The following C14orf39 variants were observed in gnomAD, a reference collection of about 807,000 sequenced individuals.
C14orf39 encodes protein SIX6OS1.
Under a neutral mutation model 85.6 loss-of-function variants are expected in C14orf39, and 66 were observed. The ratio of observed to expected loss-of-function variants is 0.77; its 90% CI spans 0.63 to 0.95. The LOEUF (loss-of-function observed/expected upper bound fraction) is 0.95. Among genes scored for constraint, C14orf39 ranks in the 40% least tolerant of loss-of-function variants. The probability of loss-of-function intolerance (pLI) is 0.00; values close to 1 mark genes in which losing one functional copy is unlikely to be tolerated. For missense variants in C14orf39, 735 were observed against 663.9 expected (o/e 1.11, Z -1.18); for synonymous variants, 242 against 214.0 (o/e 1.13, Z -1.14).
intron 16 of C14orf39, among the ~76,000 whole-genome samples, chr14:60,448,565 A>C (rs978428016): frequency 6.6e-6 from 1 of 152,158 alleles, no homozygotes; most frequent in Non-Finnish European, 1.5e-5. Context: ...AAATAGGAAC[A>C]CTTTTACAGT....
At chr14:60,509,988 T>C (rs1261176221) in intron 1 of C14orf39, 1 of 1,582,828 alleles carries the variant, frequency 6.3e-7, no homozygotes, top group East Asian at 2.3e-5. Flanking sequence ...CCTAGAGGCC[T>C]CCGCGCTTTG....
chr14:60,472,580 T>G (rs910620300), intron 5 of C14orf39, among the ~76,000 whole-genome samples: 1 of 151,960 alleles, frequency 6.6e-6, no homozygotes, highest in Admixed American at 6.6e-5. Context: ...GGCCCCGGGG[T>G]GTGATGTTCC....
chr14:60,474,614 T>C (rs1892277317), intron 5 of C14orf39, among the ~76,000 whole-genome samples: 1 of 152,110 alleles, frequency 6.6e-6, no homozygotes, highest in African/African-American at 2.4e-5. Flanking sequence ...GCATGAAGCG[T>C]TGTTGAATTT....
chr14:60,446,176 T>C (rs1595443486), intron 16 of C14orf39, among the ~76,000 whole-genome samples: 1 of 152,112 alleles, frequency 6.6e-6, no homozygotes. Flanking sequence ...AGCAAAGAAA[T>C]TCAAAAGCTA....
At position 60,471,664 on chromosome 14, in the gene C14orf39, G is replaced by A. The variant is rs764805230; in HGVS notation, c.399C>T (p.Pro133=). The A allele has an allele frequency of 6.2e-7, 1 of 1,608,884 alleles. No homozygotes were observed. Among genetic ancestry groups the A allele is most frequent in the Non-Finnish European group, 8.5e-7 (1 of 1,176,828 alleles). ...TCTTCTCATAATATTCACGTGAAAAGGGTGTTTCTGAGTATTTTAGTTGGT... is the reference window on the plus strand; with the variant it reads ...TCTTCTCATAATATTCACGTGAAAAAGGTGTTTCTGAGTATTTTAGTTGGT... ...KQYQLKYSET[P]FSREYYEKKR... is the part of the protein sequence containing the mutation. The change falls in exon 6 of 18, where the codon CCC becomes CCT. Residue 133 remains proline, a synonymous_variant. Transcript: ENST00000321731.
upstream of C14orf39, among the ~76,000 whole-genome samples, chr14:60,489,274 A>G (rs1892949856): frequency 1.3e-5 from 2 of 152,194 alleles, no homozygotes; most frequent in African/African-American, 4.8e-5. Context: ...TCTATAAACA[A>G]TCTTTGCAGT....
intron 17 of C14orf39, among the ~76,000 whole-genome samples, chr14:60,439,483 C>G (rs1375059809): frequency 1.3e-5 from 2 of 151,960 alleles, no homozygotes; most frequent in Non-Finnish European, 2.9e-5. Flanking sequence ...AACTTAATGA[C>G]TAGTTGAATG....
chr14:60,497,065 A>G (rs1413454314), intron 2 of C14orf39, among the ~76,000 whole-genome samples: 3 of 152,190 alleles, frequency 2.0e-5, no homozygotes, highest in Non-Finnish European at 4.4e-5. Flanking sequence ...CCATCTTCAT[A>G]TTATACTAAC....
Position 60,451,955 on chromosome 14 carries a change from G to A in C14orf39, c.1503+3046C>T, listed in dbSNP as rs531118872. 2.1e-4 allele frequency among the ~76,000 whole-genome samples: 32 copies of A among 151,974 alleles called. No homozygotes were observed. In the South Asian group the frequency reaches 2.9e-3, roughly 14 times the overall value. ...CCCAGCACTTTGGGAGGCTGAGGCA[G>A]GCAGATAACGAGGTCAGGAGATCGA... On this transcript the variant is annotated intron_variant, in intron 16 of 17. Transcript: ENST00000321731.
intron 16 of C14orf39, among the ~76,000 whole-genome samples, chr14:60,451,501 T>C (rs1595449872): frequency 6.6e-6 from 1 of 152,128 alleles, no homozygotes; most frequent in African/African-American, 2.4e-5. Context: ...TGGAATACTA[T>C]GCAGCCATAA....
intron 16 of C14orf39, among the ~76,000 whole-genome samples, chr14:60,452,014 C>G (rs1470042279): frequency 6.7e-6 from 1 of 149,822 alleles, no homozygotes; most frequent in Non-Finnish European, 1.5e-5. Flanking sequence ...AACCCCATCT[C>G]TACTAAAGTA....
rs145281189 is a variant in C14orf39, at chr14:60,445,685, T to C, written c.1504-3554A>G. Among the ~76,000 whole-genome samples the C allele has an allele frequency of 4.6e-5, 7 of 152,266 alleles. No individual in the cohort carries two copies. The East Asian group carries it at 1.3e-3, about 29-fold the overall frequency. ...GAAAGTTAACAAGGATATCCAGGAC[T>C]TGAACTCAGCTCTGCACCAAATGGG... On this transcript the variant is annotated intron_variant, in intron 16 of 17. Coordinates refer to ENST00000321731, the MANE Select transcript of C14orf39 (RefSeq NM_174978.3).
intron 1 of C14orf39, chr14:60,511,374 C>G: frequency 8.1e-7 from 1 of 1,235,862 alleles, no homozygotes; most frequent in South Asian, 1.3e-5. Flanking sequence ...TGACCAGGGA[C>G]CCGCGGGCTC....
intron 16 of C14orf39, 43 bp from the exon 17 acceptor site, chr14:60,442,174 G>A (rs767115717): frequency 1.5e-6 from 2 of 1,293,956 alleles, no homozygotes; most frequent in Non-Finnish European, 2.2e-6. Context: ...GAAATCAGTA[G>A]GACAGTATAT....
chr14:60,454,158 A>ATCC (rs1891159340), intron 16 of C14orf39, among the ~76,000 whole-genome samples: 3 of 151,604 alleles, frequency 2.0e-5, no homozygotes, highest in Non-Finnish European at 4.4e-5. Flanking sequence ...ATAGTACTAT[A>ATCC]TCATCCATCA....
At position 60,436,913 on chromosome 14, in the gene C14orf39, T is replaced by C; in HGVS notation, c.1696A>G (p.Ile566Val). ...PFSFGQGQNS[I>V]PSSSLKGFSS... ...AAACCTTTTAAAGAAGAAGAAGGTA[T>C]TGAATTTTGACCCTGTCCAAATGAA... The change falls in exon 18 of 18, where the codon ATA becomes GTA. Residue 566 changes from isoleucine to valine, a missense_variant. By Grantham distance (29) the Ile-to-Val change is conservative. Coordinates refer to ENST00000321731, the MANE Select transcript of C14orf39 (RefSeq NM_174978.3). 1.2e-6 allele frequency: 2 copies of C among 1,612,764 alleles called. No homozygotes were observed. The highest frequency in any genetic ancestry group is 1.7e-6 in the Non-Finnish European group (2 of 1,179,122).
upstream of C14orf39, among the ~76,000 whole-genome samples, chr14:60,488,630 C>T (rs912724599): frequency 3.9e-5 from 6 of 152,150 alleles, no homozygotes; most frequent in Admixed American, 6.6e-5. Context: ...TCTAATTGCA[C>T]GGTATTCCTT....
chr14:60,514,585 T>A (rs1893335954), intron 1 of C14orf39, among the ~76,000 whole-genome samples: 2 of 151,806 alleles, frequency 1.3e-5, no homozygotes, highest in African/African-American at 4.8e-5. Context: ...CTCCCTCCTT[T>A]CCCTTCGCCA....
rs747683041 is a variant in C14orf39 at position 60,469,570 on chromosome 14, A to T, written c.638T>A (p.Val213Glu). ...TKSSSELKKE[V>E]DEMEIEINYL... ...ATTAATTTCTATTTCCATTTCATCTACTTCTTTCTTCAATTCGGATGAACT... is the reference window on the plus strand; with the variant it reads ...ATTAATTTCTATTTCCATTTCATCTTCTTCTTTCTTCAATTCGGATGAACT... Residue 213 changes from valine to glutamate, a missense_variant, in exon 8 of 18, where the codon GTA (valine) becomes GAA (glutamate). Physicochemically the swap from Val to Glu is moderately radical, Grantham distance 121 (BLOSUM62 -2). Coordinates refer to ENST00000321731, the MANE Select transcript of C14orf39 (RefSeq NM_174978.3). 3 of 1,512,584 alleles carry T rather than the reference A, an allele frequency of 2.0e-6. No homozygotes were observed. Among genetic ancestry groups the T allele is most frequent in the Non-Finnish European group, 8.9e-7 (1 of 1,122,024 alleles). The allele number at this position is 1,512,584 out of a possible 1,614,324, so 93.7% of individuals were successfully genotyped here.
Sources: allele counts gnomAD v4.1 joint callset (sites outside exome capture counted in the v4.1 genomes callset), GRCh38; gene constraint gnomAD v4.1.1; transcripts MANE v1.5; gene names NCBI Gene and HGNC (gene_info 2026-07-23, HGNC 2026-07-21).